The following GRIN2A variants were observed in gnomAD, a reference collection of about 807,000 sequenced individuals.
GRIN2A encodes the protein glutamate receptor ionotropic, NMDA 2A.
A neutral mutation model predicts 113.4 loss-of-function variants in GRIN2A; 22 were observed. The ratio of observed to expected loss-of-function variants is 0.19; its 90% CI spans 0.14 to 0.28. The LOEUF (loss-of-function observed/expected upper bound fraction) is 0.28, where lower values mean the gene tolerates loss of function less well. Ranked by LOEUF, GRIN2A falls within the 10% of genes least tolerant of loss-of-function variation. GRIN2A has a pLI of 1.00. For missense variants in GRIN2A, 1,502 were observed against 1,887.0 expected, an observed-to-expected ratio of 0.80 and a Z score of 3.78; for synonymous variants, 827 against 738.4, an observed-to-expected ratio of 1.12 and a Z score of -1.94.
At chr16:10,042,843 C>G (rs140930019) in intron 2 of GRIN2A, among the ~76,000 whole-genome samples, 124 of 152,230 alleles carry the variant, frequency 8.1e-4, no homozygotes, top group African/African-American at 2.1e-3. Context: ...GTATGCAATG[C>G]CTCAAACTTC....
rs2042446611 is a variant in GRIN2A at position 9,829,411 on chromosome 16, A to G, written c.2007+12T>C. On this transcript the variant is annotated intron_variant, in intron 9 of 12. Transcript: ENST00000330684. ...CAACCCTCAGATGGAGAGGAAAGCA[A>G]GGTGACCTTACCTTTTTGTCACTGA... 2.5e-6 allele frequency: 4 copies of G among 1,578,040 alleles called. No homozygotes were observed. Among genetic ancestry groups the G allele is most frequent in the Non-Finnish European group, 3.5e-6 (4 of 1,147,748 alleles).
intron 2 of GRIN2A, among the ~76,000 whole-genome samples, chr16:10,093,789 A>G (rs1198330018): frequency 6.6e-6 from 1 of 152,106 alleles, no homozygotes; most frequent in Non-Finnish European, 1.5e-5. Context: ...CACGTGACTT[A>G]GTTTGGCCAA....
intron 2 of GRIN2A, among the ~76,000 whole-genome samples, chr16:10,166,551 G>A (rs2142342464): frequency 6.6e-6 from 1 of 152,298 alleles, no homozygotes; most frequent in South Asian, 2.1e-4. Flanking sequence ...ACCTGTGGAT[G>A]AAGCTGTCCC....
intron 2 of GRIN2A, among the ~76,000 whole-genome samples, chr16:10,101,195 G>A (rs2048387700): frequency 6.6e-6 from 1 of 152,194 alleles, no homozygotes; most frequent in Non-Finnish European, 1.5e-5. Flanking sequence ...TGGTCTGCAT[G>A]GTGGTCTGAA....
At chr16:9,923,805 T>C (rs1398088049) in intron 3 of GRIN2A, among the ~76,000 whole-genome samples, 1 of 152,162 alleles carries the variant, frequency 6.6e-6, no homozygotes, top group Non-Finnish European at 1.5e-5. Context: ...AAGTAATTTA[T>C]CTTTTAAAAT....
chr16:9,787,003 C>T (rs960890149), intron 11 of GRIN2A, among the ~76,000 whole-genome samples: 1 of 152,112 alleles, frequency 6.6e-6, no homozygotes, highest in Non-Finnish European at 1.5e-5. Flanking sequence ...GGCTTAGTTT[C>T]CAACTTTGGC....
chr16:9,976,882 G>A (rs7190716), intron 2 of GRIN2A, among the ~76,000 whole-genome samples: 6 of 152,010 alleles, frequency 3.9e-5, no homozygotes, highest in African/African-American at 1.5e-4. Flanking sequence ...GAACCAAGTC[G>A]TACCAGGCAA....
intron 4 of GRIN2A, among the ~76,000 whole-genome samples, chr16:9,862,996 G>A (rs374091637): frequency 2.1e-4 from 32 of 152,202 alleles, no homozygotes; most frequent in African/African-American, 7.2e-4. Flanking sequence ...ACAATCCTCT[G>A]ATAAAAACGC....
chr16:9,972,620 A>T (rs1290295425), intron 2 of GRIN2A, among the ~76,000 whole-genome samples: 1 of 152,230 alleles, frequency 6.6e-6, no homozygotes, highest in Non-Finnish European at 1.5e-5. Flanking sequence ...GAAATAAAGA[A>T]TTTACTGGAT....
rs778996050 is a variant in GRIN2A, at chr16:9,764,709, G to C, written c.2835C>G (p.Asp945Glu). ...VSDKGNLMYS[D>E]NRSFQGKESI... is the part of the protein sequence containing the mutation. ...TCTCTTTCCCCTGAAAGGACCTGTT[G>C]TCTGAGTACATCAAATTCCCCTTAT... The change falls in exon 13 of 13, where the codon GAC (aspartate) becomes GAG (glutamate). Residue 945 changes from aspartate (D) to glutamate (E), a missense_variant. Transcript: ENST00000330684. 1 of 1,614,228 alleles carries C rather than the reference G, an allele frequency of 6.2e-7. No individual in the cohort carries two copies. The highest frequency in any genetic ancestry group is 1.7e-5 in the Admixed American group (1 of 60,032).
intron 10 of GRIN2A, among the ~76,000 whole-genome samples, chr16:9,808,163 T>C (rs2042018229): frequency 6.6e-6 from 1 of 152,254 alleles, no homozygotes; most frequent in African/African-American, 2.4e-5. Flanking sequence ...GTTCAGACTT[T>C]TCTTGAACAT....
At chr16:9,902,970 T>G (rs12931690) in intron 3 of GRIN2A, among the ~76,000 whole-genome samples, 1,869 of 7,162 alleles carry the variant, frequency 0.26, no homozygotes, top group Middle Eastern at 0.33. Flanking sequence ...GGCGGGGGGG[T>G]GGGGGGGTGG....
chr16:9,886,048 G>A (rs1231344774), intron 4 of GRIN2A, among the ~76,000 whole-genome samples: 1 of 152,246 alleles, frequency 6.6e-6, no homozygotes, highest in Non-Finnish European at 1.5e-5. Flanking sequence ...TTGTGTACCA[G>A]CTCCCTGGAA....
chr16:10,027,672 G>C (rs2046849524), intron 2 of GRIN2A: 1 of 152,702 alleles, frequency 6.5e-6, no homozygotes, highest in African/African-American at 2.4e-5. Context: ...GAGTGCTGGA[G>C]TTGGTGAGCT....
At chr16:9,990,912 CAA>C (rs777301191) in intron 2 of GRIN2A, among the ~76,000 whole-genome samples, 26 of 151,958 alleles carry the variant, frequency 1.7e-4, no homozygotes, top group Non-Finnish European at 3.1e-4. Context: ...ACTAAAAATA[CAA>C]AAGTTAGCCA....
chr16:10,024,004 A>G (rs906886676), intron 2 of GRIN2A, among the ~76,000 whole-genome samples: 1 of 152,128 alleles, frequency 6.6e-6, no homozygotes, highest in South Asian at 2.1e-4. Context: ...GGGCTTAGAG[A>G]GGTTAAATGA....
At chr16:9,993,632 CT>C (rs2046169338) in intron 2 of GRIN2A, among the ~76,000 whole-genome samples, 1 of 152,126 alleles carries the variant, frequency 6.6e-6, no homozygotes. Context: ...CATTTTAAAT[CT>C]CTCCTGTGCA....
intron 2 of GRIN2A, among the ~76,000 whole-genome samples, chr16:10,132,373 T>G (rs2142222537): frequency 8.1e-6 from 1 of 122,932 alleles, no homozygotes; most frequent in African/African-American, 2.8e-5. Context: ...TGAAATAACT[T>G]GTCCAAAGTA....
chr16:10,010,056 C>A (rs2046477746), intron 2 of GRIN2A, among the ~76,000 whole-genome samples: 1 of 152,232 alleles, frequency 6.6e-6, no homozygotes, highest in South Asian at 2.1e-4. Flanking sequence ...CCCAAAGAAA[C>A]AAGCACGACT....
Sources: allele counts gnomAD v4.1 joint callset (sites outside exome capture counted in the v4.1 genomes callset), GRCh38; gene constraint gnomAD v4.1.1; transcripts MANE v1.5; gene names NCBI Gene and HGNC (gene_info 2026-07-23, HGNC 2026-07-21).